The following RNF170 variants were observed in gnomAD, a reference collection of about 807,000 sequenced individuals.
RNF170 encodes the protein E3 ubiquitin-protein ligase RNF170.
In RNF170, 12 loss-of-function variants were observed where a neutral mutation model predicts 32.7. The ratio of observed to expected loss-of-function variants is 0.37; its 90% CI spans 0.24 to 0.60. RNF170 has a LOEUF of 0.60. Among genes scored for constraint, RNF170 ranks in the 20% least tolerant of loss-of-function variants. RNF170 has a pLI of 0.72. For synonymous variants in RNF170, 91 were observed against 103.6 expected, an observed-to-expected ratio of 0.88 and a Z score of 0.74; for missense variants, 212 against 311.2, an observed-to-expected ratio of 0.68 and a Z score of 2.40.
At chr8:42,889,898 A>T (rs527523922) in intron 1 of RNF170, among the ~76,000 whole-genome samples, 1 of 152,200 alleles carries the variant, frequency 6.6e-6, no homozygotes, top group Non-Finnish European at 1.5e-5. Flanking sequence ...TAGCTGTTTC[A>T]AAAGTCCTAA....
Position 42,881,752 on chromosome 8 carries a change from T to C in RNF170, c.137+5976A>G, listed in dbSNP as rs147171158. On this transcript the variant is annotated intron_variant, in intron 2 of 6. Transcript: ENST00000527424. Reference sequence around the variant, plus strand: ...GAATTTGAGACCAGCCTGGGCAACATGGTGAAACACTGTTTCTACAAAAAA... The same window carrying C: ...GAATTTGAGACCAGCCTGGGCAACACGGTGAAACACTGTTTCTACAAAAAA... Among the ~76,000 whole-genome samples, 630 of 151,924 alleles carry C rather than the reference T, an allele frequency of 4.1e-3. 7 individuals are homozygous for C. The highest frequency in any genetic ancestry group is 0.017 in the Middle Eastern group (5 of 294).
chr8:42,870,623 G>C (rs930251325), intron 3 of RNF170, among the ~76,000 whole-genome samples: 2 of 152,076 alleles, frequency 1.3e-5, no homozygotes, highest in Non-Finnish European at 2.9e-5. Context: ...CCAGCTACTT[G>C]GGAGACTGAG....
intron 4 of RNF170, among the ~76,000 whole-genome samples, chr8:42,867,648 C>A (rs1380045881): frequency 2.0e-5 from 3 of 148,900 alleles, no homozygotes; most frequent in South Asian, 2.1e-4. Flanking sequence ...TGGTGGCAGG[C>A]GCCTATAGTT....
chr8:42,882,803 T>C (rs1049741188), intron 2 of RNF170, among the ~76,000 whole-genome samples: 7 of 152,204 alleles, frequency 4.6e-5, no homozygotes, highest in African/African-American at 1.7e-4. Flanking sequence ...GGCTCACACC[T>C]GTAATCCCAG....
At position 42,854,994 on chromosome 8, in the gene RNF170, T is replaced by C; in HGVS notation, c.*1165A>G. On this transcript the variant is annotated 3_prime_UTR_variant, in exon 7 of 7. Coordinates refer to ENST00000527424, the MANE Select transcript of RNF170 (RefSeq NM_030954.4). Reference sequence around the variant, plus strand: ...GCTATAGCTAACCAGTAATTTCTTTTGTCAAATGTAAATACCGTTCCCAGT... The same window carrying C: ...GCTATAGCTAACCAGTAATTTCTTTCGTCAAATGTAAATACCGTTCCCAGT... 7.8e-7 allele frequency: 1 copy of C among 1,287,262 alleles called. No individual in the cohort carries two copies. The highest frequency in any genetic ancestry group is 1.0e-6 in the Non-Finnish European group (1 of 988,698). The allele number at this position is 1,287,262 out of a possible 1,614,324, so 79.7% of individuals were successfully genotyped here.
At chr8:42,849,710 CTG>C (rs1802894790), downstream of RNF170, 1 of 152,172 alleles carries the variant, frequency 6.6e-6, no homozygotes, top group Non-Finnish European at 1.5e-5. Context: ...TCCTCTGTGC[CTG>C]TGTCTGATAA....
At chr8:42,856,461 G>T in intron 6 of RNF170, 33 bp from the exon 7 acceptor site, 1 of 1,447,082 alleles carries the variant, frequency 6.9e-7, no homozygotes, top group Non-Finnish European at 9.7e-7. Flanking sequence ...TTATGATTCA[G>T]CACCTAATGT....
In RNF170 at chr8:42,873,948, G is replaced by A; in HGVS notation, c.196C>T (p.Gln66Ter). The A allele has an allele frequency of 6.3e-7, 1 of 1,592,652 alleles. No individual in the cohort carries two copies. Among genetic ancestry groups the A allele is most frequent in the South Asian group, 1.1e-5 (1 of 90,608 alleles). ...NQELVRVLRE[Q>*]LQTEQDAPAA... ...TACAATACCTGTTCTGTTTGAAGCT[G>A]TTCTCGAAGTACCCTTACTAGCTCC... The change falls in exon 3 of 7, where the codon CAG becomes TAG. Residue 66 changes from glutamine (Q) to a stop codon, truncating the protein, a stop_gained. Transcript: ENST00000527424. LOFTEE classifies it high-confidence loss of function.
chr8:42,896,900 G>GGGCGTGTCCGAAGTCGCGCGCGGCT, upstream of RNF170: 1 of 361,894 alleles, frequency 2.8e-6, no homozygotes, highest in East Asian at 3.9e-5. Context: ...GCGGGGCGGC[G>GGGCGTGTCCGAAGTCGCGCGCGGCT]GGCGTGTCCG....
At chr8:42,856,604 C>G (rs1031642652) in intron 6 of RNF170, among the ~76,000 whole-genome samples, 176 bp from the exon 7 acceptor site, 2 of 152,122 alleles carry the variant, frequency 1.3e-5, no homozygotes, top group Non-Finnish European at 2.9e-5. Context: ...AATACTAGTT[C>G]TTACAGAATA....
At chr8:42,880,142 G>C (rs1805273004) in intron 2 of RNF170, among the ~76,000 whole-genome samples, 1 of 152,184 alleles carries the variant, frequency 6.6e-6, no homozygotes, top group South Asian at 2.1e-4. Flanking sequence ...TAGAAGCGGA[G>C]GCCGAAGATG....
chr8:42,853,137 A>G (rs1158215716), downstream of RNF170, among the ~76,000 whole-genome samples: 1 of 152,102 alleles, frequency 6.6e-6, no homozygotes, highest in Admixed American at 6.6e-5. Flanking sequence ...CCAAAAAACA[A>G]ACACACAAAC....
Position 42,854,980 on chromosome 8 carries a change from C to A in RNF170, c.*1179G>T. 5.4e-6 allele frequency: 7 copies of A among 1,287,194 alleles called. No individual in the cohort carries two copies. Among genetic ancestry groups the A allele is most frequent in the Non-Finnish European group, 6.1e-6 (6 of 988,694 alleles). The allele number at this position is 1,287,194 out of a possible 1,614,324, so 79.7% of individuals were successfully genotyped here. ...TTGTCCAATCTGTTGCTATAGCTAA[C>A]CAGTAATTTCTTTTGTCAAATGTAA... On this transcript the variant is annotated 3_prime_UTR_variant, in exon 7 of 7. Transcript: ENST00000527424.
At chr8:42,861,671 T>G in intron 6 of RNF170, 74 bp downstream of exon 6, 1 of 1,198,048 alleles carries the variant, frequency 8.3e-7, no homozygotes, top group Non-Finnish European at 1.2e-6. Context: ...AGAATACTTG[T>G]TGGTAAACCT....
chr8:42,868,688 A>G (rs1333553083), intron 4 of RNF170, among the ~76,000 whole-genome samples: 1 of 151,950 alleles, frequency 6.6e-6, no homozygotes, highest in African/African-American at 2.4e-5. Flanking sequence ...CCCCATCTCT[A>G]CAAAAATACA....
chr8:42,870,525 C>G (rs1418845619), intron 3 of RNF170, among the ~76,000 whole-genome samples: 1 of 151,844 alleles, frequency 6.6e-6, no homozygotes, highest in Non-Finnish European at 1.5e-5. Flanking sequence ...CTAGGAGTTC[C>G]AGACGAGCCT....
rs35059319 is a variant in RNF170 at position 42,875,169 on chromosome 8, T to TAAA, written c.138-1166_138-1164dup. ...CTGGGCAACAAGAGCAAAACCGTCT[T>TAAA]AAAAAAAAAAAAAAAAAGAAAGATG... On this transcript the variant is annotated intron_variant, in intron 2 of 6. Coordinates refer to ENST00000527424, the MANE Select transcript of RNF170 (RefSeq NM_030954.4). 3.9e-5 allele frequency among the ~76,000 whole-genome samples: 5 copies of TAAA among 129,836 alleles called. 1 individual carries two copies. The highest frequency in any genetic ancestry group is 8.4e-5 in the African/African-American group (3 of 35,574). 85.2% of individuals were successfully genotyped at this position (129,836 alleles called of 152,430 possible).
upstream of RNF170, chr8:42,896,897 G>T: frequency 2.8e-6 from 1 of 357,094 alleles, no homozygotes; most frequent in Non-Finnish European, 5.0e-6. Context: ...GACGCGGGGC[G>T]GCGGGCGTGT....
chr8:42,852,318 T>C (rs867682511), downstream of RNF170, among the ~76,000 whole-genome samples: 25 of 152,372 alleles, frequency 1.6e-4, 1 homozygote, highest in African/African-American at 5.5e-4. Flanking sequence ...ATGAAATATA[T>C]ACTTTTATTA....
Sources: allele counts gnomAD v4.1 joint callset (sites outside exome capture counted in the v4.1 genomes callset), GRCh38; gene constraint gnomAD v4.1.1; transcripts MANE v1.5; gene names NCBI Gene and HGNC (gene_info 2026-07-23, HGNC 2026-07-21).